The following ATRIP variants were observed in gnomAD, a reference collection of about 807,000 sequenced individuals.
The protein encoded by ATRIP is ATR interacting protein, also known as ATR-interacting protein.
In ATRIP, 44 loss-of-function variants were observed where a neutral mutation model predicts 78.1. That is an observed-to-expected ratio of 0.56 (90% confidence interval 0.44 to 0.72). The LOEUF (loss-of-function observed/expected upper bound fraction) is 0.72, where lower values mean the gene tolerates loss of function less well. Among genes scored for constraint, ATRIP ranks in the 30% least tolerant of loss-of-function variants. ATRIP has a pLI of 0.00. For synonymous variants in ATRIP, 388 were observed against 408.9 expected (o/e 0.95, Z 0.62); for missense variants, 927 against 980.2 (o/e 0.95, Z 0.72).
At chr3:48,463,506 A>C (rs2040175484) in intron 8 of ATRIP, among the ~76,000 whole-genome samples, 1 of 151,744 alleles carries the variant, frequency 6.6e-6, no homozygotes, top group East Asian at 1.9e-4. Flanking sequence ...TACACCAGAT[A>C]AGGGCCTGTC....
rs1280297764 is a variant in ATRIP at position 48,451,479 on chromosome 3, C to T, written c.382-250C>T. On this transcript the variant is annotated intron_variant, in intron 2 of 12. Transcript: ENST00000320211. Reference sequence around the variant, plus strand: ...GCATTCCAGCCTAAGCAACCCCATCCCCCTCCCTGGCAAAAAGAATCTGCA... The same window carrying T: ...GCATTCCAGCCTAAGCAACCCCATCTCCCTCCCTGGCAAAAAGAATCTGCA... 7.2e-5 allele frequency among the ~76,000 whole-genome samples: 11 copies of T among 152,258 alleles called. No individual in the cohort carries two copies. In the East Asian group the frequency reaches 1.9e-3, roughly 27 times the overall value.
chr3:48,446,840 GA>G lies in ATRIP; in HGVS notation c.-3del. The G allele has an allele frequency of 7.1e-7, 1 of 1,399,234 alleles. No individual in the cohort carries two copies. The highest frequency in any genetic ancestry group is 9.3e-7 in the Non-Finnish European group (1 of 1,077,388). 86.7% of individuals were successfully genotyped at this position (1,399,234 alleles called of 1,614,324 possible). On this transcript the variant is annotated 5_prime_UTR_variant, in exon 1 of 13. Coordinates refer to ENST00000320211, the MANE Select transcript of ATRIP (RefSeq NM_130384.3). Reference sequence around the variant, plus strand: ...CGCTGTCGGATACTTGGGGTGAGCGGAAAGCATGGCGGGGACCTCCGCGCCA... The same window carrying G: ...CGCTGTCGGATACTTGGGGTGAGCGGAAGCATGGCGGGGACCTCCGCGCCA...
Position 48,467,311 on chromosome 3 carries a change from T to C in ATRIP, c.*1757T>C, listed in dbSNP as rs1473383492. 1 of 1,614,076 alleles carries C rather than the reference T, an allele frequency of 6.2e-7. No homozygotes were observed. The highest frequency in any genetic ancestry group is 1.1e-5 in the South Asian group (1 of 91,074). The stretch of plus-strand genomic sequence containing the variant: ...AGACCACAGGCCCTGCTGCGGTGGG[T>C]GGATGCTCACGCCAGGCCTTTCGGC... On this transcript the variant is annotated 3_prime_UTR_variant, in exon 13 of 13. Transcript: ENST00000320211.
chr3:48,449,767 A>C (rs1232347409), intron 1 of ATRIP, among the ~76,000 whole-genome samples: 1 of 143,260 alleles, frequency 7.0e-6, no homozygotes, highest in Non-Finnish European at 1.5e-5. Context: ...CTCTACTAAA[A>C]TCCAAAAAAA....
Position 48,446,945 on chromosome 3 carries a change from G to T in ATRIP, c.100G>T (p.Ala34Ser). ...CACCGGGCACCCCCCGAGCAAGCGG[G>T]CCCGGGGCTTCTCCGCAGCCGCTGC... ...PGTGHPPSKR[A>S]RGFSAAAAPD... Residue 34 changes from alanine (A) to serine (S), a missense_variant, in exon 1 of 13, where the codon GCC (alanine) becomes TCC (serine). Coordinates refer to ENST00000320211, the MANE Select transcript of ATRIP (RefSeq NM_130384.3). 1 of 1,522,054 alleles carries T rather than the reference G, an allele frequency of 6.6e-7. No homozygotes were observed. 94.3% of individuals were successfully genotyped at this position (1,522,054 alleles called of 1,614,324 possible).
intron 3 of ATRIP, 34 bp from the exon 4 acceptor site, chr3:48,454,266 G>A: frequency 7.9e-7 from 1 of 1,270,786 alleles, no homozygotes; most frequent in Admixed American, 1.7e-5. Flanking sequence ...GTATATGATG[G>A]GACCACTACA....
chr3:48,463,119 A>T (rs1465467654), intron 8 of ATRIP, among the ~76,000 whole-genome samples: 1 of 152,156 alleles, frequency 6.6e-6, no homozygotes, highest in African/African-American at 2.4e-5. Flanking sequence ...CCCCCAGGCT[A>T]TGTGGGTTGA....
chr3:48,463,268 A>G lies in ATRIP; in HGVS notation c.1746-477A>G, dbSNP rs917609619. 2.0e-5 allele frequency among the ~76,000 whole-genome samples: 3 copies of G among 152,220 alleles called. No homozygotes were observed. The South Asian group carries it at 6.2e-4, about 32-fold the overall frequency. On this transcript the variant is annotated intron_variant, in intron 8 of 12. Transcript: ENST00000320211. Reference sequence around the variant, plus strand: ...AGGCACATTCTCCCACTGGCAGCAGATGTGTTTTCTGGCAAGTAGAGAAAA... The same window carrying G: ...AGGCACATTCTCCCACTGGCAGCAGGTGTGTTTTCTGGCAAGTAGAGAAAA...
At chr3:48,456,700 A>G (rs1284323560) in intron 4 of ATRIP, among the ~76,000 whole-genome samples, 1 of 151,742 alleles carries the variant, frequency 6.6e-6, no homozygotes, top group Non-Finnish European at 1.5e-5. Context: ...GCTTGAGCCC[A>G]GGAGGTCAAG....
intron 5 of ATRIP, among the ~76,000 whole-genome samples, chr3:48,458,360 G>C (rs957565063): frequency 7.6e-5 from 11 of 145,488 alleles, no homozygotes; most frequent in Admixed American, 2.1e-4. Flanking sequence ...GTCTCACTCT[G>C]TCACCAGGCT....
At position 48,459,560 on chromosome 3, in the gene ATRIP, G is replaced by A. The variant is rs2107222553; in HGVS notation, c.925+106G>A. 8 of 1,243,900 alleles carry A rather than the reference G, an allele frequency of 6.4e-6. No homozygotes were observed. The South Asian group carries it at 1.0e-4, about 16-fold the overall frequency. 77.1% of individuals were successfully genotyped at this position (1,243,900 alleles called of 1,614,324 possible). On this transcript the variant is annotated intron_variant, in intron 6 of 12. Transcript: ENST00000320211. ...CCGGTGCCCCGGGCAGTCCTTCAGA[G>A]AGTCCAGGGAAGTCAAAGTATGTGG...
At position 48,460,286 on chromosome 3, in the gene ATRIP, G is replaced by T; in HGVS notation, c.1232G>T (p.Cys411Phe). The T allele has an allele frequency of 6.2e-7, 1 of 1,614,086 alleles. No homozygotes were observed. The highest frequency in any genetic ancestry group is 1.1e-5 in the South Asian group (1 of 91,072). ...GGAGGCAGAAGGGCCTTCCCACTCT[G>T]CCAGCTTCCTGGAGCCGTGCATTTC... Reference protein sequence around the residue: ...AEGGRRAFPLCQLPGAVHFLP... With the variant: ...AEGGRRAFPLFQLPGAVHFLP... The change falls in exon 8 of 13, where the codon TGC becomes TTC. Residue 411 changes from cysteine (C) to phenylalanine (F), a missense_variant. Transcript: ENST00000320211.
At chr3:48,456,756 T>C (rs143574040) in intron 4 of ATRIP, among the ~76,000 whole-genome samples, 62 of 152,100 alleles carry the variant, frequency 4.1e-4, no homozygotes, top group African/African-American at 1.5e-3. Context: ...GCCTGGGCAA[T>C]GGAACAAGAC....
intron 3 of ATRIP, 60 bp from the exon 4 acceptor site, chr3:48,454,240 C>T (rs2039900944): frequency 7.4e-6 from 7 of 940,318 alleles, no homozygotes; most frequent in East Asian, 2.5e-5. Flanking sequence ...ATTTTGAAGC[C>T]CAGAGATATT....
At chr3:48,461,052 C>T (rs768362708) in intron 8 of ATRIP, among the ~76,000 whole-genome samples, 6 of 152,316 alleles carry the variant, frequency 3.9e-5, no homozygotes, top group Non-Finnish European at 4.4e-5. Flanking sequence ...AGGCTGCTAA[C>T]CTCTGTGGAG....
At chr3:48,451,678 T>A (rs1237216855) in intron 2 of ATRIP, 51 bp from the exon 3 acceptor site, 1 of 1,489,632 alleles carries the variant, frequency 6.7e-7, no homozygotes, top group African/African-American at 1.4e-5. Flanking sequence ...ACAAAGTACC[T>A]AAGTAGTTTT....
At position 48,466,915 on chromosome 3, in the gene ATRIP, T is replaced by TGA. The variant is rs1267500415; in HGVS notation, c.*1363_*1364dup. The TGA allele has an allele frequency of 6.2e-7, 1 of 1,611,768 alleles. No homozygotes were observed. Reference sequence around the variant, plus strand: ...CCTGCAGCCAGCGAGATCACAGGTCTGAGCACAGCTGTGCTGGCAGCGCAT... The same window carrying TGA: ...CCTGCAGCCAGCGAGATCACAGGTCTGAGAGCACAGCTGTGCTGGCAGCGCAT... On this transcript the variant is annotated 3_prime_UTR_variant, in exon 13 of 13. Coordinates refer to ENST00000320211, the MANE Select transcript of ATRIP (RefSeq NM_130384.3).
intron 1 of ATRIP, 156 bp downstream of exon 1, chr3:48,447,248 GGTCCT>G: frequency 1.6e-6 from 2 of 1,268,370 alleles, no homozygotes; most frequent in Non-Finnish European, 2.0e-6. Flanking sequence ...TCTTCCAGAA[GGTCCT>G]TTGATTTTAG....
At chr3:48,462,905 A>C (rs2040158313) in intron 8 of ATRIP, among the ~76,000 whole-genome samples, 1 of 152,148 alleles carries the variant, frequency 6.6e-6, no homozygotes, top group Non-Finnish European at 1.5e-5. Context: ...AAAGCATTGA[A>C]CTTTTTGTCT....
Sources: allele counts gnomAD v4.1 joint callset (sites outside exome capture counted in the v4.1 genomes callset), GRCh38; gene constraint gnomAD v4.1.1; transcripts MANE v1.5; gene names NCBI Gene and HGNC (gene_info 2026-07-23, HGNC 2026-07-21).